The following RYR3 variants were observed in gnomAD, a reference collection of about 807,000 sequenced individuals.
RYR3 encodes brain ryanodine receptor-calcium release channel.
RYR3 carries 207 observed loss-of-function variants against 584.3 expected under a neutral mutation model. The observed-to-expected ratio is 0.35, with a 90% CI of 0.32 to 0.40. The LOEUF is 0.40. Among genes scored for constraint, RYR3 ranks in the 10% least tolerant of loss-of-function variants. The pLI, the probability that RYR3 is intolerant of heterozygous loss-of-function variation, is 1.00. For missense variants in RYR3, 5,616 were observed against 6,089.2 expected (o/e 0.92, Z 2.59); for synonymous variants, 2,416 against 2,248.5 (o/e 1.07, Z -2.11).
intron 1 of RYR3, among the ~76,000 whole-genome samples, chr15:33,393,329 C>G (rs2042113241): frequency 6.6e-6 from 1 of 152,130 alleles, no homozygotes; most frequent in Admixed American, 6.5e-5. Context: ...ATCAAGTGAA[C>G]TTTTTCCATA....
chr15:33,862,176 C>G lies in RYR3; in HGVS notation c.14465+998C>G, dbSNP rs552917243. ...TGCTGGGCTCTGCTCCCCAGCCTAG[C>G]TCTTCCCCCTTCTCTCTCTATTTTG... On this transcript the variant is annotated intron_variant, in intron 102 of 103. Coordinates refer to ENST00000634891, the MANE Select transcript of RYR3 (RefSeq NM_001036.6). Among the ~76,000 whole-genome samples the G allele has an allele frequency of 6.6e-5, 10 of 151,606 alleles. No homozygotes were observed. The South Asian group carries it at 1.9e-3, about 29-fold the overall frequency.
chr15:33,453,160 T>C (rs1020771131), intron 1 of RYR3, among the ~76,000 whole-genome samples: 2 of 152,192 alleles, frequency 1.3e-5, no homozygotes, highest in African/African-American at 4.8e-5. Flanking sequence ...CAAAATAAAC[T>C]AAGACCTTTA....
chr15:33,862,123 C>G (rs946143454), intron 102 of RYR3, among the ~76,000 whole-genome samples: 1 of 152,062 alleles, frequency 6.6e-6, no homozygotes, highest in Non-Finnish European at 1.5e-5. Flanking sequence ...GACCCTGTAA[C>G]TGTTCATTTA....
chr15:33,498,495 G>T (rs2051641795), intron 2 of RYR3, among the ~76,000 whole-genome samples: 1 of 152,054 alleles, frequency 6.6e-6, no homozygotes, highest in Non-Finnish European at 1.5e-5. Flanking sequence ...TGTTTATTCA[G>T]ACCATGTGCT....
Position 33,572,658 on chromosome 15 carries a change from T to TACACAC in RYR3, c.1268+5886_1268+5891dup, listed in dbSNP as rs57835355. Among the ~76,000 whole-genome samples, 618 of 124,498 alleles carry TACACAC rather than the reference T, an allele frequency of 5.0e-3. 8 individuals are homozygous for TACACAC. The highest frequency in any genetic ancestry group is 7.6e-3 in the Non-Finnish European group (479 of 62,748). 81.7% of individuals were successfully genotyped at this position (124,498 alleles called of 152,430 possible). On this transcript the variant is annotated intron_variant, in intron 12 of 103. Transcript: ENST00000634891. ...TAAATTAAAAAAAAAAAACTATATA[T>TACACAC]ACACACACACACACACACACACACA...
chr15:33,814,834 G>A (rs1474567279), intron 74 of RYR3, among the ~76,000 whole-genome samples: 15 of 149,536 alleles, frequency 1.0e-4, no homozygotes. Flanking sequence ...CCAGGAGGCG[G>A]AGGTTACAGT....
chr15:33,676,649 ATT>A (rs10574804), intron 38 of RYR3, among the ~76,000 whole-genome samples: 37,979 of 151,952 alleles, frequency 0.25, 5,972 homozygotes, highest in African/African-American at 0.45. Context: ...TTGCAAGAAG[ATT>A]TTTTCCACAC....
chr15:33,532,498 T>A (rs2054967107), intron 4 of RYR3, among the ~76,000 whole-genome samples: 1 of 152,184 alleles, frequency 6.6e-6, no homozygotes, highest in Non-Finnish European at 1.5e-5. Flanking sequence ...TTTAAATTTT[T>A]GAGTACAGGT....
chr15:33,729,174 G>A lies in RYR3; in HGVS notation c.7203+148G>A, dbSNP rs939776434. On this transcript the variant is annotated intron_variant, in intron 47 of 103. Transcript: ENST00000634891. ...TGAGAAAATAGAGGTATCATGAAAT[G>A]GAAGATCTTAATTTATTGGGCCAGA... The A allele has an allele frequency of 1.0e-4, 74 of 727,060 alleles. No individual in the cohort carries two copies. The East Asian group carries it at 1.8e-3, about 18-fold the overall frequency. The allele number at this position is 727,060 out of a possible 1,614,324, so 45.0% of individuals were successfully genotyped here. A position where few individuals can be genotyped will look rare whatever the true frequency, so the allele number is the denominator to read the frequency against.
intron 100 of RYR3, among the ~76,000 whole-genome samples, chr15:33,860,066 G>A (rs1248237541): frequency 6.6e-6 from 1 of 152,136 alleles, no homozygotes; most frequent in African/African-American, 2.4e-5. Flanking sequence ...GGGAGGTAGG[G>A]TAGGAGCAGA....
At chr15:33,366,748 C>T (rs1975556805) in intron 1 of RYR3, among the ~76,000 whole-genome samples, 1 of 152,146 alleles carries the variant, frequency 6.6e-6, no homozygotes, top group Non-Finnish European at 1.5e-5. Context: ...AGCCTGGAGA[C>T]ACAGTAGATG....
At position 33,692,011 on chromosome 15, in the gene RYR3, G is replaced by A. The variant is rs934191199; in HGVS notation, c.5861-4207G>A. ...TATCTAAAGGGTCTTGGGCCCCCAG[G>A]GCTCTGCAGATCACATTTTTATGAC... On this transcript the variant is annotated intron_variant, in intron 38 of 103. Coordinates refer to ENST00000634891, the MANE Select transcript of RYR3 (RefSeq NM_001036.6). Among the ~76,000 whole-genome samples the A allele has an allele frequency of 5.9e-5, 9 of 152,126 alleles. 1 individual carries two copies. The highest frequency in any genetic ancestry group is 3.2e-3 in the Middle Eastern group (1 of 316).
rs575567719 is a variant in RYR3, at chr15:33,838,766, T to C, written c.12786T>C (p.Thr4262=). ...RAEVMEPGIT[T]ELVHFIKGEK... ...AGGTGATGGAGCCAGGTATCACCACTGAACTAGTACACTTCATAAAGGGGG... is the reference window on the plus strand; with the variant it reads ...AGGTGATGGAGCCAGGTATCACCACCGAACTAGTACACTTCATAAAGGGGG... The change falls in exon 89 of 104, where the codon ACT becomes ACC. Residue 4262 remains threonine, a synonymous_variant. Coordinates refer to ENST00000634891, the MANE Select transcript of RYR3 (RefSeq NM_001036.6). 5 of 1,613,914 alleles carry C rather than the reference T, an allele frequency of 3.1e-6. No homozygotes were observed. In the South Asian group the frequency reaches 5.5e-5, roughly 18 times the overall value.
At chr15:33,512,882 A>C (rs933515124) in intron 3 of RYR3, among the ~76,000 whole-genome samples, 3 of 152,220 alleles carry the variant, frequency 2.0e-5, no homozygotes, top group Non-Finnish European at 2.9e-5. Context: ...CCAGGACACA[A>C]TCTGTAGGTA....
intron 38 of RYR3, among the ~76,000 whole-genome samples, chr15:33,681,067 C>G (rs1032689247): frequency 5.9e-5 from 9 of 152,196 alleles, no homozygotes; most frequent in Non-Finnish European, 8.8e-5. Flanking sequence ...GAGCCAGATT[C>G]AGGCAGACCT....
At chr15:33,556,900 C>CT (rs1456473760) in intron 10 of RYR3, among the ~76,000 whole-genome samples, 1 of 152,122 alleles carries the variant, frequency 6.6e-6, no homozygotes, top group African/African-American at 2.4e-5. Flanking sequence ...ACCATACCAC[C>CT]TTGCTGTGCT....
chr15:33,585,359 C>T (rs1049631987), intron 15 of RYR3, among the ~76,000 whole-genome samples: 5 of 152,164 alleles, frequency 3.3e-5, no homozygotes, highest in Admixed American at 6.5e-5. Flanking sequence ...AGCTACTTCC[C>T]TTGAATTTCA....
chr15:33,791,874 G>A (rs1362980077), intron 67 of RYR3, among the ~76,000 whole-genome samples: 1 of 152,118 alleles, frequency 6.6e-6, no homozygotes, highest in Admixed American at 6.6e-5. Context: ...AACAGACAAA[G>A]GATCAAAGGA....
At chr15:33,326,442 C>G (rs569019101) in intron 1 of RYR3, among the ~76,000 whole-genome samples, 6 of 152,118 alleles carry the variant, frequency 3.9e-5, no homozygotes, top group African/African-American at 1.2e-4. Flanking sequence ...ATCTAAGGAA[C>G]TAACAAGAAA....
Sources: gnomAD v4.1 joint callset for allele counts (sites outside exome capture counted in the v4.1 genomes callset) on GRCh38, gnomAD v4.1.1 for gene constraint, MANE v1.5 for transcripts, NCBI Gene and HGNC (gene_info 2026-07-23, HGNC 2026-07-21) for gene names.